Variants in PATJ observed in about 807,000 individuals in gnomAD.
PATJ encodes PATJ crumbs cell polarity complex component, also known as inaD-like protein.
A neutral mutation model predicts 224.9 loss-of-function variants in PATJ; 190 were observed. The ratio of observed to expected loss-of-function variants is 0.84; its 90% CI spans 0.75 to 0.95. The LOEUF is 0.95. PATJ is among the 40% of genes least tolerant of loss of function. The probability of loss-of-function intolerance (pLI) is 0.00; values close to 1 mark genes in which losing one functional copy is unlikely to be tolerated. For missense variants in PATJ, 2,121 were observed against 2,270.3 expected (o/e 0.93, Z 1.34); for synonymous variants, 769 against 820.3 (o/e 0.94, Z 1.07).
chr1:62,040,233 C>T (rs554470981), intron 30 of PATJ, among the ~76,000 whole-genome samples: 212 of 151,864 alleles, frequency 1.4e-3, no homozygotes, highest in African/African-American at 4.9e-3. Flanking sequence ...CTCAGCCTCC[C>T]GAGTAGCTGG....
At chr1:61,788,287 G>GTAAACT (rs1479872298) in intron 8 of PATJ, among the ~76,000 whole-genome samples, 4 of 152,082 alleles carry the variant, frequency 2.6e-5, no homozygotes, top group African/African-American at 9.7e-5. Flanking sequence ...TGTAAACACT[G>GTAAACT]GCCGATGTGT....
At chr1:62,156,130 C>T (rs1372689673) in intron 43 of PATJ, among the ~76,000 whole-genome samples, 4 of 149,430 alleles carry the variant, frequency 2.7e-5, no homozygotes, top group South Asian at 4.3e-4. Flanking sequence ...AATCCCAGCA[C>T]TTTGAGAGGC....
At chr1:62,093,592 G>A (rs939807072) in intron 33 of PATJ, among the ~76,000 whole-genome samples, 3 of 152,088 alleles carry the variant, frequency 2.0e-5, no homozygotes, top group Non-Finnish European at 4.4e-5. Flanking sequence ...AATCAAAGCA[G>A]AGTTTGCAAA....
At chr1:61,827,604 A>T (rs561555683) in intron 16 of PATJ, 21 bp downstream of exon 16, 1 of 1,606,700 alleles carries the variant, frequency 6.2e-7, no homozygotes, top group South Asian at 1.1e-5. Context: ...AATATAGTGC[A>T]TTTCCCATAG....
chr1:61,943,577 A>G (rs1427770216), intron 27 of PATJ, among the ~76,000 whole-genome samples: 1 of 152,150 alleles, frequency 6.6e-6, no homozygotes. Context: ...AGGTAAATGA[A>G]GCCGCCGGGA....
chr1:61,758,634 A>G (rs1645785714), intron 1 of PATJ, among the ~76,000 whole-genome samples: 1 of 152,210 alleles, frequency 6.6e-6, no homozygotes, highest in South Asian at 2.1e-4. Flanking sequence ...GACATGAGCC[A>G]CCACGCCCGG....
At chr1:61,810,143 C>G (rs1654423183) in intron 14 of PATJ, among the ~76,000 whole-genome samples, 1 of 152,076 alleles carries the variant, frequency 6.6e-6, no homozygotes, top group Non-Finnish European at 1.5e-5. Flanking sequence ...AGTCACCACG[C>G]CTGGCCAGGT....
chr1:61,861,984 C>T (rs1330591458), intron 19 of PATJ, among the ~76,000 whole-genome samples: 1 of 151,852 alleles, frequency 6.6e-6, no homozygotes. Context: ...ACCTCAGCCT[C>T]CTGAGTAGCT....
chr1:62,094,610 G>C lies in PATJ; in HGVS notation c.4377+9962G>C, dbSNP rs867084231. Among the ~76,000 whole-genome samples the C allele has an allele frequency of 1.1e-3, 148 of 138,262 alleles. 2 individuals are homozygous for C. The highest frequency in any genetic ancestry group is 1.6e-3 in the East Asian group (7 of 4,430). The allele number at this position is 138,262 out of a possible 152,430, so 90.7% of individuals were successfully genotyped here. On this transcript the variant is annotated intron_variant, in intron 33 of 43. Transcript: ENST00000642238. ...ACACACACACACACACACACACACA[G>C]AGATGTTAGTGTTATTTCTTCTAGT...
chr1:61,916,568 T>A (rs1673478455), intron 26 of PATJ, among the ~76,000 whole-genome samples: 1 of 152,228 alleles, frequency 6.6e-6, no homozygotes. Flanking sequence ...GCTTTTAATA[T>A]TTCACTGTTG....
intron 22 of PATJ, among the ~76,000 whole-genome samples, chr1:61,895,421 T>G (rs1205989058): frequency 6.6e-6 from 1 of 152,240 alleles, no homozygotes; most frequent in Non-Finnish European, 1.5e-5. Context: ...AAGGCCCTGC[T>G]ACTCTCTGCA....
chr1:61,876,866 G>A (rs762070795), intron 21 of PATJ, among the ~76,000 whole-genome samples: 20 of 152,112 alleles, frequency 1.3e-4, no homozygotes, highest in Non-Finnish European at 2.4e-4. Context: ...ATCCAAAATT[G>A]TGTATCTTTG....
chr1:62,094,707 C>T (rs568461590), intron 33 of PATJ, among the ~76,000 whole-genome samples: 60 of 152,116 alleles, frequency 3.9e-4, no homozygotes, highest in African/African-American at 1.0e-3. Flanking sequence ...TGCCCACTTA[C>T]GTTATCTATA....
At chr1:61,989,206 A>G (rs1027873414) in intron 27 of PATJ, among the ~76,000 whole-genome samples, 18 of 152,244 alleles carry the variant, frequency 1.2e-4, no homozygotes, top group African/African-American at 4.3e-4. Flanking sequence ...AAAGTGAGAC[A>G]GAAGATGGAA....
chr1:61,978,219 TCCTTCCTC>T (rs1414364576), intron 27 of PATJ, among the ~76,000 whole-genome samples: 78 of 131,050 alleles, frequency 6.0e-4, no homozygotes, highest in Admixed American at 1.4e-3. Context: ...CTTCCTTCCT[TCCTTCCTC>T]CCTCCCTCCC....
intron 41 of PATJ, among the ~76,000 whole-genome samples, chr1:62,147,430 C>G (rs1434289176): frequency 1.3e-5 from 2 of 152,098 alleles, no homozygotes; most frequent in Non-Finnish European, 2.9e-5. Context: ...GATATCGAGA[C>G]GGGCGGATCA....
chr1:61,865,160 T>C (rs1227868046), intron 20 of PATJ: 1 of 152,176 alleles, frequency 6.6e-6, no homozygotes, highest in Non-Finnish European at 1.5e-5. Flanking sequence ...AGGGAAAGCA[T>C]TGTGTGTGTG....
chr1:61,812,416 G>GAA (rs1463538587), intron 14 of PATJ, among the ~76,000 whole-genome samples: 1 of 127,662 alleles, frequency 7.8e-6, no homozygotes, highest in Non-Finnish European at 1.7e-5. Flanking sequence ...CTGAGAGAGA[G>GAA]AGAGAGAGAG....
intron 27 of PATJ, among the ~76,000 whole-genome samples, chr1:61,949,615 G>A (rs1036690603): frequency 2.7e-4 from 41 of 152,330 alleles, no homozygotes; most frequent in African/African-American, 8.9e-4. Context: ...TTACTTCCAA[G>A]AAGTGAATAG....
Sources: gnomAD v4.1 joint callset for allele counts (sites outside exome capture counted in the v4.1 genomes callset) on GRCh38, gnomAD v4.1.1 for gene constraint, MANE v1.5 for transcripts, NCBI Gene and HGNC (gene_info 2026-07-23, HGNC 2026-07-21) for gene names.